The following ZBTB16 variants were observed in gnomAD, a reference collection of about 807,000 sequenced individuals.
The protein encoded by ZBTB16 is zinc finger and BTB domain containing 16, also known as zinc finger and BTB domain-containing protein 16.
Under a neutral mutation model 56.8 loss-of-function variants are expected in ZBTB16, and 8 were observed. The observed-to-expected ratio is 0.14, with a 90% CI of 0.08 to 0.25. The LOEUF is 0.25. ZBTB16 is among the 10% of genes least tolerant of loss of function. ZBTB16 has a pLI of 1.00. For missense variants in ZBTB16, 625 were observed against 903.0 expected (o/e 0.69, Z 3.95); for synonymous variants, 363 against 368.5 (o/e 0.98, Z 0.17).
Position 114,063,273 on chromosome 11 carries a change from G to C in ZBTB16, c.-28G>C. The C allele has an allele frequency of 6.2e-7, 1 of 1,611,860 alleles. No homozygotes were observed. The highest frequency in any genetic ancestry group is 1.3e-5 in the African/African-American group (1 of 74,998). Reference sequence around the variant, plus strand: ...CACGCAGAGCCCAGAAGGAAAGAAAGCCTCATGCCTGAGCCGAGGGGAGCA... The same window carrying C: ...CACGCAGAGCCCAGAAGGAAAGAAACCCTCATGCCTGAGCCGAGGGGAGCA... On this transcript the variant is annotated 5_prime_UTR_variant, in exon 2 of 7. Transcript: ENST00000335953. This position sits in a 1 kb window ranked among gnomAD's most constrained non-coding sequence, Gnocchi z 6.5.
intron 2 of ZBTB16, among the ~76,000 whole-genome samples, chr11:114,149,273 C>G (rs147286086): frequency 1.3e-5 from 2 of 152,138 alleles, no homozygotes; most frequent in South Asian, 2.1e-4. Flanking sequence ...GCACTCAGCC[C>G]GATGTATATA....
rs561077805 is a variant in ZBTB16 at position 114,100,330 on chromosome 11, C to T, written c.1268+35762C>T. Among the ~76,000 whole-genome samples the T allele has an allele frequency of 1.4e-4, 21 of 152,200 alleles. No individual in the cohort carries two copies. In the South Asian group the frequency reaches 1.9e-3, roughly 14 times the overall value. On this transcript the variant is annotated intron_variant, in intron 2 of 6. Transcript: ENST00000335953. Reference sequence around the variant, plus strand: ...GGGTAGGAAGACTTGGTGATTTTGGCGGCACTGGGTCAAACCCAGGGAAAC... The same window carrying T: ...GGGTAGGAAGACTTGGTGATTTTGGTGGCACTGGGTCAAACCCAGGGAAAC...
chr11:114,214,429 G>T (rs1318865372), intron 4 of ZBTB16, among the ~76,000 whole-genome samples: 3 of 152,032 alleles, frequency 2.0e-5, no homozygotes, highest in Middle Eastern at 3.4e-3. Context: ...ACCTTTTATG[G>T]CATACTGGCC....
intron 2 of ZBTB16, among the ~76,000 whole-genome samples, chr11:114,111,956 C>T (rs886837725): frequency 6.6e-6 from 1 of 152,048 alleles, no homozygotes; most frequent in Admixed American, 6.6e-5. Flanking sequence ...CTTCCAGACG[C>T]ACTTCAATAA....
chr11:114,156,135 G>A (rs1249737611), intron 2 of ZBTB16, among the ~76,000 whole-genome samples: 1 of 152,178 alleles, frequency 6.6e-6, no homozygotes, highest in Non-Finnish European at 1.5e-5. Flanking sequence ...CCAGGAATGG[G>A]TGCTTCACTG....
At chr11:114,183,464 G>A (rs886471317) in intron 3 of ZBTB16, among the ~76,000 whole-genome samples, 2 of 152,078 alleles carry the variant, frequency 1.3e-5, no homozygotes, top group Admixed American at 6.5e-5. Flanking sequence ...TCATTAAAGC[G>A]AGAAGCTCCT....
At chr11:114,222,914 G>A (rs756371343) in intron 4 of ZBTB16, among the ~76,000 whole-genome samples, 7 of 152,176 alleles carry the variant, frequency 4.6e-5, no homozygotes, top group Non-Finnish European at 7.3e-5. Context: ...AGACTCTGAG[G>A]TCAGCTTATG....
rs1402834172 is a variant in ZBTB16 at position 114,252,837 on chromosome 11, C to T, written c.*2282C>T. Among the ~76,000 whole-genome samples, 4 of 152,042 alleles carry T rather than the reference C, an allele frequency of 2.6e-5. No homozygotes were observed. The highest frequency in any genetic ancestry group is 5.9e-5 in the Non-Finnish European group (4 of 68,030). On this transcript the variant is annotated 3_prime_UTR_variant, in exon 7 of 7. Transcript: ENST00000335953. ...TCCCCTTCAATCTCATCCACCAAAT[C>T]TGAAGGCCTTAAAATTGTGTGTTGG...
At chr11:114,201,804 G>A (rs1943742732) in intron 4 of ZBTB16, among the ~76,000 whole-genome samples, 1 of 152,124 alleles carries the variant, frequency 6.6e-6, no homozygotes, top group Non-Finnish European at 1.5e-5. Context: ...TAGGGCAAAG[G>A]TGTTCTACTT....
In ZBTB16 at chr11:114,173,111, A is replaced by G. The variant is rs150468964; in HGVS notation, c.1367-13841A>G. On this transcript the variant is annotated intron_variant, in intron 3 of 6. Coordinates refer to ENST00000335953, the MANE Select transcript of ZBTB16 (RefSeq NM_006006.6). ...CCACAATTAAGGTTTCAGAAACACC[A>G]AAGGCAAGCCAATGAGTGTCATTTT... Among the ~76,000 whole-genome samples the G allele has an allele frequency of 4.9e-3, 740 of 152,324 alleles. 9 individuals are homozygous for G. The highest frequency in any genetic ancestry group is 0.017 in the African/African-American group (700 of 41,564).
At chr11:114,117,065 G>T (rs1381597443) in intron 2 of ZBTB16, among the ~76,000 whole-genome samples, 1 of 152,196 alleles carries the variant, frequency 6.6e-6, no homozygotes, top group Non-Finnish European at 1.5e-5. Context: ...TTGTAAGCAA[G>T]ATCTTAAAAG....
chr11:114,202,760 AG>A (rs1372456545), intron 4 of ZBTB16, among the ~76,000 whole-genome samples: 1 of 152,082 alleles, frequency 6.6e-6, no homozygotes, highest in Non-Finnish European at 1.5e-5. Flanking sequence ...CCCCGGGGTG[AG>A]GGGGCAGAGG....
At chr11:114,220,215 A>G (rs997211327) in intron 4 of ZBTB16, among the ~76,000 whole-genome samples, 1 of 152,248 alleles carries the variant, frequency 6.6e-6, no homozygotes, top group Admixed American at 6.5e-5. Flanking sequence ...AAATCAGCTC[A>G]GGCAGAAGCA....
chr11:114,113,546 A>G (rs1941083592), intron 2 of ZBTB16, among the ~76,000 whole-genome samples: 1 of 152,238 alleles, frequency 6.6e-6, no homozygotes, highest in African/African-American at 2.4e-5. Context: ...ACAGATATTT[A>G]TTGAGTACCT....
intron 2 of ZBTB16, among the ~76,000 whole-genome samples, chr11:114,092,712 T>C (rs1342440811): frequency 6.6e-6 from 1 of 152,160 alleles, no homozygotes; most frequent in Non-Finnish European, 1.5e-5. Flanking sequence ...ACCTAATATA[T>C]AGGGCCGTCG....
chr11:114,142,728 T>C (rs1941987296), intron 2 of ZBTB16, among the ~76,000 whole-genome samples: 1 of 150,950 alleles, frequency 6.6e-6, no homozygotes, highest in Non-Finnish European at 1.5e-5. Flanking sequence ...GAAGGGAGGA[T>C]GTAGGGAGGA....
chr11:114,171,105 C>A (rs1052498095), intron 3 of ZBTB16, among the ~76,000 whole-genome samples: 1 of 152,160 alleles, frequency 6.6e-6, no homozygotes, highest in African/African-American at 2.4e-5. Flanking sequence ...CAGGTGCAGC[C>A]TTTGAAGCTG....
intron 3 of ZBTB16, among the ~76,000 whole-genome samples, chr11:114,165,885 GT>G (rs1942738315): frequency 6.6e-6 from 1 of 152,174 alleles, no homozygotes; most frequent in Admixed American, 6.5e-5. Context: ...TCAGGTTTAT[GT>G]TCCATAGAGG....
At chr11:114,165,051 TTGTCTC>T (rs1246407592) in intron 3 of ZBTB16, among the ~76,000 whole-genome samples, 1 of 152,082 alleles carries the variant, frequency 6.6e-6, no homozygotes, top group Admixed American at 6.5e-5. Context: ...TTCTCTGTCT[TTGTCTC>T]TGTCTCTGTC....
Sources: allele counts gnomAD v4.1 joint callset (sites outside exome capture counted in the v4.1 genomes callset), GRCh38; gene constraint gnomAD v4.1.1; non-coding constraint Gnocchi (gnomAD v3.1); transcripts MANE v1.5; gene names NCBI Gene and HGNC (gene_info 2026-07-23, HGNC 2026-07-21).